Variants in CNOT2 observed in about 807,000 individuals in gnomAD.
CNOT2 encodes CC chemokine receptor 4-negative regulator of transcription 2.
A neutral mutation model predicts 72.1 loss-of-function variants in CNOT2; 7 were observed. The ratio of observed to expected loss-of-function variants is 0.10; its 90% CI spans 0.06 to 0.18. CNOT2 has a LOEUF of 0.18. CNOT2 is among the 10% of genes least tolerant of loss of function. CNOT2 has a pLI of 1.00. For synonymous variants in CNOT2, 196 were observed against 225.6 expected (o/e 0.87, Z 1.17); for missense variants, 345 against 660.3 (o/e 0.52, Z 5.23).
chr12:70,284,466 A>C (rs1215342982), intron 2 of CNOT2, among the ~76,000 whole-genome samples: 1 of 151,538 alleles, frequency 6.6e-6, no homozygotes, highest in East Asian at 1.9e-4. Flanking sequence ...CGCTAGTCTC[A>C]AACTCCTGAC....
At chr12:70,335,753 G>A (rs1183628122) in intron 8 of CNOT2, 190 bp downstream of exon 8, 3 of 403,910 alleles carry the variant, frequency 7.4e-6, no homozygotes, top group South Asian at 5.2e-5. Flanking sequence ...TACCATGATA[G>A]CAAAGTTAAA....
intron 4 of CNOT2, chr12:70,323,406 C>G (rs1303934416): frequency 6.6e-6 from 1 of 151,680 alleles, no homozygotes; most frequent in Non-Finnish European, 1.5e-5. Flanking sequence ...AATGATTTTA[C>G]TATGTAGTAG....
intron 2 of CNOT2, among the ~76,000 whole-genome samples, chr12:70,304,956 C>T (rs12321218): frequency 0.013 from 2,056 of 152,308 alleles, 47 homozygotes; most frequent in African/African-American, 0.046. Context: ...GCTCCGTGGG[C>T]GTAGGACCCT....
At chr12:70,337,574 A>G in intron 9 of CNOT2, 61 bp downstream of exon 9, 1 of 1,492,124 alleles carries the variant, frequency 6.7e-7, no homozygotes, top group South Asian at 1.1e-5. Context: ...TTTCTCTTAT[A>G]TTAACAATTA....
intron 2 of CNOT2, among the ~76,000 whole-genome samples, chr12:70,300,630 G>A (rs1306415136): frequency 6.6e-6 from 1 of 152,180 alleles, no homozygotes; most frequent in East Asian, 1.9e-4. Context: ...TAGCCTTGTA[G>A]TATAGTTTGA....
intron 5 of CNOT2, among the ~76,000 whole-genome samples, chr12:70,329,997 G>T (rs924220392): frequency 3.3e-5 from 5 of 151,944 alleles, no homozygotes; most frequent in Non-Finnish European, 7.4e-5. Flanking sequence ...CCATTGAAAT[G>T]AAATTATTCT....
At chr12:70,352,936 T>G (rs933445173) in intron 15 of CNOT2, among the ~76,000 whole-genome samples, 1 of 152,172 alleles carries the variant, frequency 6.6e-6, no homozygotes, top group African/African-American at 2.4e-5. Flanking sequence ...GCAGAACCAT[T>G]GTCTAGTTTT....
chr12:70,307,797 C>A (rs1875693316), intron 2 of CNOT2: 1 of 152,180 alleles, frequency 6.6e-6, no homozygotes, highest in South Asian at 2.1e-4. Context: ...CTACTCACCA[C>A]CCTATTAGGC....
intron 1 of CNOT2, among the ~76,000 whole-genome samples, chr12:70,252,397 G>A (rs1958183081): frequency 6.6e-6 from 1 of 152,108 alleles, no homozygotes. Flanking sequence ...ATGTTGCCCA[G>A]GGTGGTCTTG....
chr12:70,290,513 A>G (rs534223714), intron 2 of CNOT2, among the ~76,000 whole-genome samples: 23 of 152,220 alleles, frequency 1.5e-4, no homozygotes, highest in East Asian at 3.9e-4. Flanking sequence ...TGAGCCCTCA[A>G]TGATTCTTTC....
chr12:70,297,695 T>C, intron 2 of CNOT2: 1 of 303,488 alleles, frequency 3.3e-6, no homozygotes, highest in Non-Finnish European at 6.3e-6. Context: ...TAGCTTTTAG[T>C]AGTTATTTCT....
intron 2 of CNOT2, among the ~76,000 whole-genome samples, chr12:70,309,124 G>A (rs566346591): frequency 6.6e-6 from 1 of 152,136 alleles, no homozygotes; most frequent in South Asian, 2.1e-4. Context: ...CCCTAGTAGG[G>A]ACTACTTAGG....
chr12:70,244,198 T>C (rs916196213), intron 1 of CNOT2: 1 of 152,194 alleles, frequency 6.6e-6, no homozygotes, highest in Non-Finnish European at 1.5e-5. Flanking sequence ...AGGTGAAGCT[T>C]CCGTAGTGTC....
intron 11 of CNOT2, among the ~76,000 whole-genome samples, chr12:70,341,119 C>T (rs965319501): frequency 3.3e-5 from 5 of 152,014 alleles, no homozygotes; most frequent in African/African-American, 1.2e-4. Context: ...CCTCACTTTT[C>T]AAGTGGTCTG....
intron 1 of CNOT2, among the ~76,000 whole-genome samples, chr12:70,256,220 A>T (rs1349805363): frequency 6.6e-6 from 1 of 152,150 alleles, no homozygotes; most frequent in Non-Finnish European, 1.5e-5. Context: ...CAAGGCAAAG[A>T]TATATTTTTG....
chr12:70,305,248 A>G (rs1324702117), intron 2 of CNOT2, among the ~76,000 whole-genome samples: 1 of 152,154 alleles, frequency 6.6e-6, no homozygotes, highest in Non-Finnish European at 1.5e-5. Context: ...GAAATCACCC[A>G]TCTTCTGCGA....
intron 4 of CNOT2, chr12:70,327,706 C>T (rs1879305576): frequency 6.6e-6 from 1 of 151,836 alleles, no homozygotes; most frequent in African/African-American, 2.4e-5. Flanking sequence ...AGAATGTAAG[C>T]TCCCTGAGGG....
chr12:70,272,665 C>T (rs1868273992), intron 1 of CNOT2, among the ~76,000 whole-genome samples: 1 of 152,122 alleles, frequency 6.6e-6, no homozygotes, highest in Non-Finnish European at 1.5e-5. Flanking sequence ...TGCATCCCTG[C>T]AGTTGTGTGT....
At position 70,342,154 on chromosome 12, in the gene CNOT2, G is replaced by T; in HGVS notation, c.1226G>T (p.Arg409Leu). The T allele has an allele frequency of 6.2e-7, 1 of 1,610,652 alleles. No homozygotes were observed. Residue 409 changes from arginine to leucine, a missense_variant, in exon 12 of 16, where the codon CGA (arginine) becomes CTA (leucine). Arg to Leu is a moderately radical substitution (Grantham distance 102). Coordinates refer to ENST00000229195, the MANE Select transcript of CNOT2 (RefSeq NM_014515.7). Reference sequence around the variant, plus strand: ...TCACCCTGGGCATCTTCACCTTGTCGACCTCAAGACATAGGTAGGAGAATC... The same window carrying T: ...TCACCCTGGGCATCTTCACCTTGTCTACCTCAAGACATAGGTAGGAGAATC... ...FASPWASSPC[R>L]PQDIDFHVPS...
Sources: gnomAD v4.1 joint callset for allele counts (sites outside exome capture counted in the v4.1 genomes callset) on GRCh38, gnomAD v4.1.1 for gene constraint, MANE v1.5 for transcripts, NCBI Gene and HGNC (gene_info 2026-07-23, HGNC 2026-07-21) for gene names.